Variants in SPAG16 observed in about 807,000 individuals in gnomAD.
SPAG16 encodes the protein sperm-associated antigen 16 protein.
A neutral mutation model predicts 80.4 loss-of-function variants in SPAG16; 86 were observed. The observed-to-expected ratio is 1.07, with a 90% CI of 0.90 to 1.28. SPAG16 has a LOEUF of 1.28. Among genes scored for constraint, SPAG16 ranks in the 50% most tolerant of loss-of-function variants. The pLI is 0.00. For synonymous variants in SPAG16, 294 were observed against 265.9 expected, an observed-to-expected ratio of 1.11 and a Z score of -1.03; for missense variants, 870 against 765.3, an observed-to-expected ratio of 1.14 and a Z score of -1.61.
intron 10 of SPAG16, among the ~76,000 whole-genome samples, chr2:213,842,595 T>C (rs2125759316): frequency 6.6e-6 from 1 of 152,300 alleles, no homozygotes; most frequent in Admixed American, 6.5e-5. Context: ...TTTGTTCATA[T>C]CATCTTAAAC....
intron 12 of SPAG16, among the ~76,000 whole-genome samples, chr2:213,968,536 G>A (rs1486588911): frequency 6.6e-6 from 1 of 152,166 alleles, no homozygotes; most frequent in South Asian, 2.1e-4. Context: ...TTCTGCTGAT[G>A]GAATGAAGAA....
At chr2:213,982,019 A>G (rs1456205999) in intron 12 of SPAG16, among the ~76,000 whole-genome samples, 1 of 151,762 alleles carries the variant, frequency 6.6e-6, no homozygotes, top group Non-Finnish European at 1.5e-5. Context: ...TAGAGAAAAT[A>G]TTGACTATAC....
chr2:213,348,618 A>G (rs1191483539), intron 6 of SPAG16, among the ~76,000 whole-genome samples: 1 of 152,074 alleles, frequency 6.6e-6, no homozygotes, highest in Non-Finnish European at 1.5e-5. Context: ...AAAGGATTTT[A>G]TTTCTCCTTC....
At chr2:214,135,305 G>A (rs1315847865) in intron 14 of SPAG16, among the ~76,000 whole-genome samples, 1 of 152,084 alleles carries the variant, frequency 6.6e-6, no homozygotes, top group Admixed American at 6.6e-5. Flanking sequence ...TATATACATT[G>A]TCTTTATTTC....
At chr2:214,356,865 TTTC>T (rs1373267161) in intron 15 of SPAG16, among the ~76,000 whole-genome samples, 1 of 151,988 alleles carries the variant, frequency 6.6e-6, no homozygotes, top group Non-Finnish European at 1.5e-5. Context: ...TGTCTCAAGT[TTTC>T]TTCTTCTATC....
chr2:214,007,698 G>C (rs1170526916), intron 12 of SPAG16, among the ~76,000 whole-genome samples: 1 of 152,090 alleles, frequency 6.6e-6, no homozygotes, highest in Non-Finnish European at 1.5e-5. Flanking sequence ...AATGTCAGTT[G>C]CTATTTGTAT....
At chr2:214,185,739 A>C (rs2125682364) in intron 15 of SPAG16, among the ~76,000 whole-genome samples, 1 of 152,294 alleles carries the variant, frequency 6.6e-6, no homozygotes, top group African/African-American at 2.4e-5. Context: ...AGTCTGTGAC[A>C]AAGGGGCAAA....
At chr2:213,398,286 T>C (rs1188495218) in intron 9 of SPAG16, among the ~76,000 whole-genome samples, 3 of 152,146 alleles carry the variant, frequency 2.0e-5, no homozygotes, top group African/African-American at 7.2e-5. Context: ...ACAGTCATCT[T>C]CTTAAAACAT....
intron 10 of SPAG16, among the ~76,000 whole-genome samples, chr2:213,729,344 A>G (rs1173590569): frequency 2.0e-5 from 3 of 152,168 alleles, no homozygotes; most frequent in South Asian, 2.1e-4. Context: ...ACTTCCCTCA[A>G]TTCTAGAATG....
chr2:213,838,359 G>T (rs1243094982), intron 10 of SPAG16, among the ~76,000 whole-genome samples: 1 of 152,130 alleles, frequency 6.6e-6, no homozygotes, highest in Non-Finnish European at 1.5e-5. Context: ...TTTTAGTAGA[G>T]ACAGGGTTTC....
At chr2:214,008,016 A>T (rs889254050) in intron 12 of SPAG16, among the ~76,000 whole-genome samples, 12 of 151,982 alleles carry the variant, frequency 7.9e-5, no homozygotes, top group Admixed American at 6.6e-4. Flanking sequence ...CTTATGTTAG[A>T]CCTTGTAATA....
intron 9 of SPAG16, among the ~76,000 whole-genome samples, chr2:213,409,075 G>C (rs148056988): frequency 7.3e-5 from 11 of 150,888 alleles, no homozygotes; most frequent in Admixed American, 2.6e-4. Flanking sequence ...ACATAAAAAG[G>C]AATGTTCCAT....
chr2:214,314,851 C>T (rs1166287059), intron 15 of SPAG16, among the ~76,000 whole-genome samples: 2 of 151,730 alleles, frequency 1.3e-5, no homozygotes, highest in South Asian at 2.1e-4. Context: ...ACAAGAGTAA[C>T]TCATGCATGA....
intron 11 of SPAG16, among the ~76,000 whole-genome samples, chr2:213,918,486 A>G (rs1218856155): frequency 2.0e-5 from 3 of 152,030 alleles, no homozygotes; most frequent in Admixed American, 6.6e-5. Context: ...CATAATTTCC[A>G]TGTGTTGTGG....
chr2:213,574,650 CATATATATGATATATGAT>C (rs1488258085), intron 10 of SPAG16, among the ~76,000 whole-genome samples: 149 of 143,460 alleles, frequency 1.0e-3, no homozygotes, highest in African/African-American at 2.3e-3. Context: ...AGATATATAT[CATATATATGATATATGAT>C]ATATATATGA....
chr2:213,917,708 C>A (rs2078033586), intron 11 of SPAG16, among the ~76,000 whole-genome samples: 1 of 152,094 alleles, frequency 6.6e-6, no homozygotes, highest in South Asian at 2.1e-4. Context: ...TATAGAAATA[C>A]ATCATCTGGA....
At chr2:213,433,986 T>C (rs1559129159) in intron 9 of SPAG16, among the ~76,000 whole-genome samples, 1 of 150,950 alleles carries the variant, frequency 6.6e-6, no homozygotes, top group Non-Finnish European at 1.5e-5. Context: ...AATGGCCCTA[T>C]TTTGGCTCAC....
intron 12 of SPAG16, among the ~76,000 whole-genome samples, chr2:213,968,766 A>G (rs1169119334): frequency 6.6e-6 from 1 of 152,222 alleles, no homozygotes; most frequent in Non-Finnish European, 1.5e-5. Flanking sequence ...CAGTTTGTAA[A>G]ATGTGAATCA....
At chr2:213,726,437 C>G (rs2066773270) in intron 10 of SPAG16, among the ~76,000 whole-genome samples, 2 of 152,090 alleles carry the variant, frequency 1.3e-5, no homozygotes, top group Admixed American at 6.5e-5. Flanking sequence ...CCAAAATACT[C>G]AAAGCATATT....
Sources: allele counts gnomAD v4.1 joint callset (sites outside exome capture counted in the v4.1 genomes callset), GRCh38; gene constraint gnomAD v4.1.1; transcripts MANE v1.5; gene names NCBI Gene and HGNC (gene_info 2026-07-23, HGNC 2026-07-21).